The following ZNF292 variants were observed in gnomAD, a reference collection of about 807,000 sequenced individuals.
ZNF292 encodes the protein zinc finger protein 292, also known as 16 zinc-finger domain protein.
Under a neutral mutation model 217.9 loss-of-function variants are expected in ZNF292, and 26 were observed. That is an observed-to-expected ratio of 0.12 (90% CI 0.09 to 0.17). The LOEUF (loss-of-function observed/expected upper bound fraction) is 0.17, where lower values mean the gene tolerates loss of function less well. ZNF292 is among the 10% of genes least tolerant of loss of function. ZNF292 has a pLI of 1.00. For missense variants in ZNF292, 2,904 were observed against 3,175.2 expected (o/e 0.91, Z 2.05); for synonymous variants, 1,257 against 1,124.1 (o/e 1.12, Z -2.37).
rs746770477 is a variant in ZNF292, at chr6:87,257,311, T to C, written c.3682T>C (p.Cys1228Arg). ...TAAAAATGAACAAGGTGGTATGTTATGTTCCCAAATGGAAAATTTACCTAG... is the reference window on the plus strand; with the variant it reads ...TAAAAATGAACAAGGTGGTATGTTACGTTCCCAAATGGAAAATTTACCTAG... ...QDKNEQGGML[C>R]SQMENLPSTA... is the part of the protein sequence containing the mutation. Residue 1228 changes from cysteine (C) to arginine (R), a missense_variant, in exon 8 of 8, where the codon TGT (cysteine) becomes CGT (arginine). Cys to Arg is a radical substitution (Grantham distance 180). This residue lies in a region of ZNF292 where 687 missense variants were observed against 623.0 expected (regional missense o/e 1.10). Coordinates refer to ENST00000369577, the MANE Select transcript of ZNF292 (RefSeq NM_015021.3). 13 of 1,613,600 alleles carry C rather than the reference T, an allele frequency of 8.1e-6. No individual in the cohort carries two copies. The highest frequency in any genetic ancestry group is 1.1e-5 in the South Asian group (1 of 91,062).
At chr6:87,171,865 A>G (rs1171658966) in intron 1 of ZNF292, among the ~76,000 whole-genome samples, 3 of 152,172 alleles carry the variant, frequency 2.0e-5, no homozygotes, top group Non-Finnish European at 1.5e-5. Flanking sequence ...TCCAACCTCT[A>G]TATCCTATCA....
At chr6:87,250,835 G>T (rs1392676182) in intron 7 of ZNF292, among the ~76,000 whole-genome samples, 1 of 152,202 alleles carries the variant, frequency 6.6e-6, no homozygotes, top group Non-Finnish European at 1.5e-5. Flanking sequence ...TTTAAGAGTT[G>T]AAAAATACAT....
At chr6:87,183,923 C>G (rs146136143) in intron 1 of ZNF292, among the ~76,000 whole-genome samples, 161 of 152,324 alleles carry the variant, frequency 1.1e-3, no homozygotes, top group Admixed American at 2.4e-3. Flanking sequence ...TTCACCACCA[C>G]ATATGCAGTT....
intron 1 of ZNF292, among the ~76,000 whole-genome samples, chr6:87,209,789 C>T (rs564267101): frequency 1.3e-5 from 2 of 152,230 alleles, no homozygotes; most frequent in East Asian, 1.9e-4. Context: ...GTAAAAGTCT[C>T]AGTTTTTGTT....
In ZNF292 at chr6:87,261,932, A is replaced by AAT; in HGVS notation, c.*132_*133insTA. On this transcript the variant is annotated 3_prime_UTR_variant, in exon 8 of 8. Transcript: ENST00000369577. Reference sequence around the variant, plus strand: ...TGAATTAACCTGGCCAAAAACAAAAAAGAAAAAAAAAACATGACATTTGTC... The same window carrying AAT: ...TGAATTAACCTGGCCAAAAACAAAAAATAGAAAAAAAAAACATGACATTTGTC... The AAT allele has an allele frequency of 7.4e-6, 5 of 677,186 alleles. No individual in the cohort carries two copies. Among genetic ancestry groups the AAT allele is most frequent in the East Asian group, 3.1e-5 (1 of 31,890 alleles). The allele number at this position is 677,186 out of a possible 1,614,324, so 41.9% of individuals were successfully genotyped here.
At position 87,256,417 on chromosome 6, in the gene ZNF292, C is replaced by T. The variant is rs1383165983; in HGVS notation, c.2788C>T (p.Leu930Phe). The change falls in exon 8 of 8, where the codon CTT (leucine) becomes TTT (phenylalanine). Residue 930 changes from leucine (L) to phenylalanine (F), a missense_variant. Transcript: ENST00000369577. ...GGAAAACCCTGCTACTACTCCTCTA[C>T]TTCAATCCAGTGAAGTAGCTGTGTC... ...GLENPATTPL[L>F]QSSEVAVSIK... The T allele has an allele frequency of 1.9e-6, 3 of 1,607,036 alleles. No individual in the cohort carries two copies. The highest frequency in any genetic ancestry group is 2.5e-6 in the Non-Finnish European group (3 of 1,179,810).
chr6:87,184,891 C>T (rs1022293384), intron 1 of ZNF292, among the ~76,000 whole-genome samples: 1 of 152,222 alleles, frequency 6.6e-6, no homozygotes, highest in African/African-American at 2.4e-5. Flanking sequence ...GAAGAAAAGT[C>T]TTGTCCTAAC....
chr6:87,256,856 C>T lies in ZNF292; in HGVS notation c.3227C>T (p.Pro1076Leu), dbSNP rs369802260. 94 of 1,613,598 alleles carry T rather than the reference C, an allele frequency of 5.8e-5. No individual in the cohort carries two copies. Among genetic ancestry groups the T allele is most frequent in the African/African-American group, 1.3e-4 (10 of 74,862 alleles). ...TTAGAAAGTATTGCATTTGTTCCAC[C>T]GCAGTCCGACCTAAGTAATTCATTA... Reference protein sequence around the residue: ...KTLESIAFVPPQSDLSNSLGT... With the variant: ...KTLESIAFVPLQSDLSNSLGT... The change falls in exon 8 of 8, where the codon CCG becomes CTG. Residue 1076 changes from proline to leucine, a missense_variant. By Grantham distance (98) the Pro-to-Leu change is moderately conservative. Coordinates refer to ENST00000369577, the MANE Select transcript of ZNF292 (RefSeq NM_015021.3).
chr6:87,169,711 A>G (rs757646039), intron 1 of ZNF292: 1 of 445,472 alleles, frequency 2.2e-6, no homozygotes, highest in South Asian at 1.6e-5. Flanking sequence ...CAGTGACGCC[A>G]TCAGAGCTCA....
chr6:87,162,459 A>G (rs1770781232), intron 1 of ZNF292, among the ~76,000 whole-genome samples: 1 of 152,214 alleles, frequency 6.6e-6, no homozygotes, highest in Admixed American at 6.5e-5. Flanking sequence ...GACACTTTAA[A>G]TCAGAAGAAA....
intron 7 of ZNF292, among the ~76,000 whole-genome samples, chr6:87,245,929 G>C (rs1774555458): frequency 6.6e-6 from 1 of 152,134 alleles, no homozygotes; most frequent in South Asian, 2.1e-4. Flanking sequence ...TTGATAATTT[G>C]GCTATAGAAA....
At position 87,255,342 on chromosome 6, in the gene ZNF292, C is replaced by T. The variant is rs967718608; in HGVS notation, c.1713C>T (p.Cys571=). 5 of 1,613,672 alleles carry T rather than the reference C, an allele frequency of 3.1e-6. No homozygotes were observed. The highest frequency in any genetic ancestry group is 4.2e-6 in the Non-Finnish European group (5 of 1,179,796). ...QKHYKDGIYS[C]PICAKNFNSK... is the part of the protein sequence containing the mutation. ...ATTACAAAGATGGAATTTATAGTTG[C>T]CCCATATGTGCAAAGAACTTTAATT... The change falls in exon 8 of 8, where the codon TGC becomes TGT. Residue 571 remains cysteine (C), a synonymous_variant. Transcript: ENST00000369577.
rs779427096 is a variant in ZNF292 at position 87,261,066 on chromosome 6, T to C, written c.7437T>C (p.Asp2479=). 34 of 1,605,920 alleles carry C rather than the reference T, an allele frequency of 2.1e-5. No homozygotes were observed. In the African/African-American group the frequency reaches 3.1e-4, roughly 15 times the overall value. ...AGGAAGTTGAAAAAAATGAAAAAGA[T>C]GAAATGGATGAACTAACAGAATTGT... The part of the protein sequence containing the change: ...SQKEVEKNEK[D]EMDELTELFI... The change falls in exon 8 of 8, where the codon GAT becomes GAC. Residue 2479 remains aspartate, a synonymous_variant. Transcript: ENST00000369577.
chr6:87,251,502 C>T (rs1179255349), intron 7 of ZNF292, among the ~76,000 whole-genome samples: 1 of 152,162 alleles, frequency 6.6e-6, no homozygotes, highest in East Asian at 1.9e-4. Flanking sequence ...TGTTCTTTTC[C>T]TGGAAAGGGA....
rs1487174913 is a variant in ZNF292 at position 87,215,829 on chromosome 6, G to GA, written c.169-68dup. 6.4e-6 allele frequency: 8 copies of GA among 1,246,762 alleles called. No individual in the cohort carries two copies. The Admixed American group carries it at 1.0e-4, about 16-fold the overall frequency. 77.2% of individuals were successfully genotyped at this position (1,246,762 alleles called of 1,614,324 possible). On this transcript the variant is annotated intron_variant, in intron 1 of 7. Coordinates refer to ENST00000369577, the MANE Select transcript of ZNF292 (RefSeq NM_015021.3). ...ATCTGTATTTTTCAAAATTTTTCAGGAAAAAACAGCTGATGAGTCAATGTA... is the reference window on the plus strand; with the variant it reads ...ATCTGTATTTTTCAAAATTTTTCAGGAAAAAAACAGCTGATGAGTCAATGTA...
intron 1 of ZNF292, among the ~76,000 whole-genome samples, chr6:87,206,263 C>T (rs1772249732): frequency 6.6e-6 from 1 of 152,076 alleles, no homozygotes; most frequent in Non-Finnish European, 1.5e-5. Flanking sequence ...ATAAGTACTC[C>T]AAAGTCATGT....
At chr6:87,225,127 C>T (rs1237865122) in intron 4 of ZNF292, among the ~76,000 whole-genome samples, 7 of 152,272 alleles carry the variant, frequency 4.6e-5, no homozygotes, top group Admixed American at 3.9e-4. Context: ...TTCTGAACAT[C>T]TTTTCATATG....
chr6:87,215,525 C>T (rs74561944), intron 1 of ZNF292, among the ~76,000 whole-genome samples: 1,693 of 152,096 alleles, frequency 0.011, 36 homozygotes, highest in African/African-American at 0.037. Flanking sequence ...GCTGCTTCTA[C>T]GAGAAATAGA....
At chr6:87,202,211 C>T (rs1055269126) in intron 1 of ZNF292, among the ~76,000 whole-genome samples, 4 of 152,094 alleles carry the variant, frequency 2.6e-5, no homozygotes, top group Admixed American at 6.5e-5. Flanking sequence ...TTTATGCACC[C>T]TTCCTTTTAT....
Sources: gnomAD v4.1 joint callset for allele counts (sites outside exome capture counted in the v4.1 genomes callset) on GRCh38, gnomAD v4.1.1 for gene constraint, gnomAD v4.1.1 regional missense constraint, MANE v1.5 for transcripts, NCBI Gene and HGNC (gene_info 2026-07-23, HGNC 2026-07-21) for gene names.